CIMAP2: variants seen among roughly 807,000 people sequenced by gnomAD.
CIMAP2 encodes the protein ciliary microtubule associated protein 2, also known as ciliary microtubule-associated protein 2.
At chr1:54,808,630 G>T in the CIMAP2 span, among the ~76,000 whole-genome samples, 1 of 145,746 alleles carries the variant, frequency 6.9e-6, no homozygotes, top group Non-Finnish European at 1.5e-5. Flanking sequence ...GGCAGTGGAG[G>T]GCTTTGACAG....
At chr1:54,814,346 A>G in the CIMAP2 span, among the ~76,000 whole-genome samples, 1 of 152,150 alleles carries the variant, frequency 6.6e-6, no homozygotes, top group South Asian at 2.1e-4. Flanking sequence ...GGCAGAGTGC[A>G]GTCTACCCAC....
the CIMAP2 span, chr1:54,807,462 G>C: frequency 6.9e-7 from 1 of 1,444,708 alleles, no homozygotes; most frequent in African/African-American, 1.4e-5. Flanking sequence ...GCTTGGTGAG[G>C]GCCTGCTCTG....
chr1:54,815,586 T>G, the CIMAP2 span, among the ~76,000 whole-genome samples: 1 of 152,080 alleles, frequency 6.6e-6, no homozygotes, highest in Non-Finnish European at 1.5e-5. Context: ...GAGGCAGCCA[T>G]CCCCAAGTGT....
the CIMAP2 span, among the ~76,000 whole-genome samples, chr1:54,818,798 GC>G: frequency 2.0e-5 from 3 of 152,020 alleles, no homozygotes; most frequent in African/African-American, 7.2e-5. Context: ...TTGTCATGTT[GC>G]CCAGGCTGGT....
the CIMAP2 span, among the ~76,000 whole-genome samples, chr1:54,841,321 C>T: frequency 6.6e-6 from 1 of 152,192 alleles, no homozygotes; most frequent in Non-Finnish European, 1.5e-5. Context: ...GAAGTGCCAT[C>T]TTCCAAAGGG....
chr1:54,806,926 C>T, the CIMAP2 span: 11 of 1,441,450 alleles, frequency 7.6e-6, no homozygotes, highest in Non-Finnish European at 1.1e-5. Context: ...CTCCCCCATG[C>T]TCCAGAACTG....
At chr1:54,839,641 G>A in the CIMAP2 span, among the ~76,000 whole-genome samples, 2 of 152,130 alleles carry the variant, frequency 1.3e-5, no homozygotes, top group African/African-American at 4.8e-5. Context: ...GCCTCCCAAA[G>A]TGCTAGGATT....
the CIMAP2 span, among the ~76,000 whole-genome samples, chr1:54,817,499 G>T: frequency 6.6e-6 from 1 of 152,178 alleles, no homozygotes; most frequent in Non-Finnish European, 1.5e-5. Flanking sequence ...GCTTCACCAC[G>T]TGGAATCTGT....
the CIMAP2 span, among the ~76,000 whole-genome samples, chr1:54,823,323 CTTCT>C: frequency 6.6e-6 from 1 of 151,490 alleles, no homozygotes; most frequent in African/African-American, 2.4e-5. Flanking sequence ...ATCTAATGAC[CTTCT>C]TTGTCTCTTT....
At chr1:54,832,982 G>A in the CIMAP2 span, among the ~76,000 whole-genome samples, 4 of 152,064 alleles carry the variant, frequency 2.6e-5, no homozygotes, top group Admixed American at 2.6e-4. Flanking sequence ...AGCCATGGTT[G>A]TGCCACCACA....
the CIMAP2 span, among the ~76,000 whole-genome samples, chr1:54,813,215 A>G: frequency 1.3e-5 from 2 of 151,562 alleles, no homozygotes; most frequent in African/African-American, 4.9e-5. Context: ...CCATATACCC[A>G]CTGCCCTCTC....
At chr1:54,811,764 A>AGCCGGGGGGGGGGGGGGGGGGGGG in the CIMAP2 span, 1 of 1,097,916 alleles carries the variant, frequency 9.1e-7, no homozygotes, top group Non-Finnish European at 1.3e-6. Flanking sequence ...TGGTTCTGAC[A>AGCCGGGGGGGGGGGGGGGGGGGGG]GCCTCCATGC....
At chr1:54,819,645 A>G in the CIMAP2 span, among the ~76,000 whole-genome samples, 1 of 152,148 alleles carries the variant, frequency 6.6e-6, no homozygotes, top group African/African-American at 2.4e-5. Context: ...TGCTGGGATT[A>G]TAGACATGAG....
the CIMAP2 span, chr1:54,812,124 G>A: frequency 8.7e-6 from 14 of 1,614,016 alleles, no homozygotes; most frequent in Admixed American, 1.0e-4. Flanking sequence ...CGGCACCCGC[G>A]GCCCCTATGA....
the CIMAP2 span, among the ~76,000 whole-genome samples, chr1:54,839,775 T>C: frequency 2.7e-4 from 41 of 152,214 alleles, no homozygotes; most frequent in African/African-American, 9.9e-4. Context: ...TTTGAGATAG[T>C]GTCAACACTC....
At chr1:54,829,411 C>T in the CIMAP2 span, among the ~76,000 whole-genome samples, 5 of 152,324 alleles carry the variant, frequency 3.3e-5, no homozygotes, top group East Asian at 9.7e-4. Flanking sequence ...TAGGCTGGGG[C>T]ATGATTCTCT....
chr1:54,830,842 C>G, the CIMAP2 span, among the ~76,000 whole-genome samples: 1 of 152,198 alleles, frequency 6.6e-6, no homozygotes, highest in African/African-American at 2.4e-5. This position sits in a 1 kb window ranked among gnomAD's most constrained non-coding sequence, Gnocchi z 4.1. Flanking sequence ...TTTCTTAGGT[C>G]TACCAGGTTA....
At chr1:54,824,811 T>C in the CIMAP2 span, among the ~76,000 whole-genome samples, 10 of 152,058 alleles carry the variant, frequency 6.6e-5, no homozygotes, top group East Asian at 1.9e-3. Flanking sequence ...TTTTTATCTG[T>C]TTTCTCTTGT....
chr1:54,841,788 T>C, the CIMAP2 span: 7 of 1,595,866 alleles, frequency 4.4e-6, no homozygotes, highest in East Asian at 2.2e-5. Context: ...TAATTTTTTC[T>C]GTCTTTTTAA....
Sources: allele counts gnomAD v4.1 joint callset (sites outside exome capture counted in the v4.1 genomes callset), GRCh38; gene constraint gnomAD v4.1.1; non-coding constraint Gnocchi (gnomAD v3.1); transcripts MANE v1.5; gene names NCBI Gene and HGNC (gene_info 2026-07-23, HGNC 2026-07-21).